The following DACT3 variants were observed in gnomAD, a reference collection of about 807,000 sequenced individuals.
The protein encoded by DACT3 is dishevelled binding antagonist of beta catenin 3, also known as dapper homolog 3.
A neutral mutation model predicts 19.6 loss-of-function variants in DACT3; 5 were observed. The observed-to-expected ratio is 0.26, with a 90% CI of 0.13 to 0.54. The LOEUF is 0.54. Ranked by LOEUF, DACT3 falls within the 20% of genes least tolerant of loss-of-function variation. The pLI is 0.95. For missense variants in DACT3, 908 were observed against 927.4 expected, an observed-to-expected ratio of 0.98 and a Z score of 0.27; for synonymous variants, 454 against 428.1, an observed-to-expected ratio of 1.06 and a Z score of -0.75.
rs2052951670 is a variant in DACT3 at position 46,649,135 on chromosome 19, G to A, written c.1237C>T (p.Arg413Cys). 3.9e-6 allele frequency: 5 copies of A among 1,267,356 alleles called. No individual in the cohort carries two copies. The highest frequency in any genetic ancestry group is 4.9e-5 in the South Asian group (2 of 40,982). The allele number at this position is 1,267,356 out of a possible 1,614,324, so 78.5% of individuals were successfully genotyped here. A position where few individuals can be genotyped will look rare whatever the true frequency, so the allele number is the denominator to read the frequency against. ...GCCTTGCGGGCCCTGGGCGAGCCGC[G>A]GCGGCCCGAAGCCTCGGCCATGCGT... ...RGRMAEASGRRGSPRARKASR... is the reference protein window; with the variant it reads ...RGRMAEASGRCGSPRARKASR... Residue 413 changes from arginine (R) to cysteine (C), a missense_variant, in exon 4 of 4, where the codon CGC becomes TGC. Transcript: ENST00000391916.
chr19:46,648,378 G>A lies in DACT3; in HGVS notation c.*104C>T. 1.9e-6 allele frequency: 3 copies of A among 1,569,456 alleles called. No homozygotes were observed. The highest frequency in any genetic ancestry group is 1.2e-5 in the South Asian group (1 of 84,880). The stretch of plus-strand genomic sequence containing the variant: ...GGGAGAGTGAGGGGGGTCTTTGGAA[G>A]CAGAGAAAACGATGGTCTTTGGAAG... On this transcript the variant is annotated 3_prime_UTR_variant, in exon 4 of 4. Coordinates refer to ENST00000391916, the MANE Select transcript of DACT3 (RefSeq NM_145056.3). This position sits in a 1 kb window ranked among gnomAD's most constrained non-coding sequence, Gnocchi z 5.1.
chr19:46,655,311 G>A (rs1245590731), intron 1 of DACT3, among the ~76,000 whole-genome samples: 1 of 151,966 alleles, frequency 6.6e-6, no homozygotes, highest in East Asian at 1.9e-4. Flanking sequence ...ATGACCTCTT[G>A]ATTTAAAATT....
At position 46,649,867 on chromosome 19, in the gene DACT3, C is replaced by A; in HGVS notation, c.505G>T (p.Ala169Ser). 7.3e-7 allele frequency: 1 copy of A among 1,373,072 alleles called. No individual in the cohort carries two copies. The highest frequency in any genetic ancestry group is 9.3e-7 in the Non-Finnish European group (1 of 1,071,038). 85.1% of individuals were successfully genotyped at this position (1,373,072 alleles called of 1,614,324 possible). Residue 169 changes from alanine to serine, a missense_variant, in exon 4 of 4, where the codon GCC becomes TCC. By Grantham distance (99) the Ala-to-Ser change is moderately conservative. Transcript: ENST00000391916. ...ASERPKSLGD[A>S]SPSAPEVVGA... ...ACCACCTCCGGAGCGCTGGGACTGG[C>A]GTCTCCTAGGGAAGGAAGGCCAAAA...
rs760901785 is a variant in DACT3 at position 46,649,805 on chromosome 19, C to T, written c.567G>A (p.Ala189=). ...ARAAVPRSFS[A]PYPTAGGSAG... is the part of the protein sequence containing the mutation. ...CGGACCCCCCTGCCGTCGGGTAGGGCGCTGAGAAGGACCGCGGCACCGCTG... is the reference window on the plus strand; with the variant it reads ...CGGACCCCCCTGCCGTCGGGTAGGGTGCTGAGAAGGACCGCGGCACCGCTG... Residue 189 remains alanine (A), a synonymous_variant, in exon 4 of 4, where the codon GCG becomes GCA. Transcript: ENST00000391916. 5.9e-5 allele frequency: 83 copies of T among 1,401,772 alleles called. No individual in the cohort carries two copies. The East Asian group carries it at 2.2e-3, about 37-fold the overall frequency. The allele number at this position is 1,401,772 out of a possible 1,614,324, so 86.8% of individuals were successfully genotyped here. A position where few individuals can be genotyped will look rare whatever the true frequency, so the allele number is the denominator to read the frequency against.
chr19:46,654,618 G>A, intron 1 of DACT3: 2 of 985,454 alleles, frequency 2.0e-6, no homozygotes, highest in South Asian at 9.4e-5. Context: ...AGAAAAGAGA[G>A]GGTCAGAGCC....
chr19:46,653,939 C>T, intron 1 of DACT3: 2 of 975,404 alleles, frequency 2.1e-6, no homozygotes, highest in Non-Finnish European at 2.4e-6. Flanking sequence ...TTCCTTAAGT[C>T]CTTCCTGCTG....
chr19:46,648,913 C>A lies in DACT3; in HGVS notation c.1459G>T (p.Gly487Trp). ...GGGGCTCGGGGCCGCACGCGGCGCC[C>A]ATCGGCAGCGTCGATCTCCGCAGTG... ...RSTAEIDAAD[G>W]RRVRPRAPAA... The change falls in exon 4 of 4, where the codon GGG becomes TGG. Residue 487 changes from glycine to tryptophan, a missense_variant. Gly to Trp is a radical substitution (Grantham distance 184, BLOSUM62 -2). This residue lies in a region of DACT3 where 656 missense variants were observed against 601.8 expected (regional missense o/e 1.09). Transcript: ENST00000391916. The surrounding 1 kb of genome is among the most constrained non-coding windows in gnomAD (Gnocchi z 5.1). The A allele has an allele frequency of 1.5e-6, 2 of 1,359,352 alleles. No individual in the cohort carries two copies. Among genetic ancestry groups the A allele is most frequent in the African/African-American group, 3.1e-5 (2 of 64,888 alleles). The allele number at this position is 1,359,352 out of a possible 1,614,324, so 84.2% of individuals were successfully genotyped here.
intron 1 of DACT3, chr19:46,654,083 G>T: frequency 1.0e-6 from 1 of 985,354 alleles, no homozygotes; most frequent in Non-Finnish European, 1.2e-6. Flanking sequence ...TACTGCAGCA[G>T]CCATCCCAGC....
intron 1 of DACT3, among the ~76,000 whole-genome samples, chr19:46,655,695 C>T (rs1405375082): frequency 3.3e-5 from 5 of 152,072 alleles, no homozygotes; most frequent in Admixed American, 6.6e-5. Context: ...GCCCTAGGAA[C>T]GCGGAGATTT....
intron 3 of DACT3, chr19:46,650,127 A>ATTTTTTTTTTT (rs58142251): frequency 1.0e-5 from 1 of 96,098 alleles, no homozygotes; most frequent in Non-Finnish European, 1.9e-5. Flanking sequence ...CTTACCCCCT[A>ATTTTTTTTTTT]TTTTTTTTTT....
In DACT3 at chr19:46,649,381, C is replaced by A; in HGVS notation, c.991G>T (p.Glu331Ter). 1 of 1,279,752 alleles carries A rather than the reference C, an allele frequency of 7.8e-7. No individual in the cohort carries two copies. The highest frequency in any genetic ancestry group is 3.7e-5 in the East Asian group (1 of 27,242). 79.3% of individuals were successfully genotyped at this position (1,279,752 alleles called of 1,614,324 possible). A position where few individuals can be genotyped will look rare whatever the true frequency, so the allele number is the denominator to read the frequency against. The stretch of plus-strand genomic sequence containing the variant: ...GGCGCAGCGGGCTCGGGTGCCGCCT[C>A]CGACTCCCACGACGACGCCCAGGCG... ...SRAWASSWES[E>*]AAPEPAAPPA... The change falls in exon 4 of 4, where the codon GAG becomes TAG. Residue 331 changes from glutamate to a stop codon, truncating the protein, a stop_gained. Coordinates refer to ENST00000391916, the MANE Select transcript of DACT3 (RefSeq NM_145056.3). LOFTEE classifies it low-confidence loss of function (END_TRUNC).
In DACT3 at chr19:46,660,738, G is replaced by C. The variant is rs1206631998; in HGVS notation, c.249+78C>G. ...CTGCCTACCCGGGTCCCCAACCCCC[G>C]CCCGGTGTCTGAGCATCCAACCGAG... On this transcript the variant is annotated intron_variant, in intron 1 of 3. Transcript: ENST00000391916. The surrounding 1 kb of genome is among the most constrained non-coding windows in gnomAD (Gnocchi z 4.9). The C allele has an allele frequency of 1.4e-6, 2 of 1,395,652 alleles. No individual in the cohort carries two copies. Among genetic ancestry groups the C allele is most frequent in the Admixed American group, 6.4e-5 (2 of 31,166 alleles). 86.5% of individuals were successfully genotyped at this position (1,395,652 alleles called of 1,614,324 possible). A position where few individuals can be genotyped will look rare whatever the true frequency, so the allele number is the denominator to read the frequency against.
intron 3 of DACT3, chr19:46,652,317 C>G (rs2052993392): frequency 3.0e-6 from 1 of 334,114 alleles, no homozygotes; most frequent in African/African-American, 2.1e-5. Flanking sequence ...CCTCAGCCTC[C>G]CGAGTAGCTG....
intron 1 of DACT3, 104 bp from the exon 2 acceptor site, chr19:46,653,179 G>T (rs892678108): frequency 4.3e-5 from 63 of 1,475,708 alleles, no homozygotes; most frequent in Middle Eastern, 1.8e-4. Flanking sequence ...TGACAATGAG[G>T]CTCTCGCTTC....
chr19:46,648,375 G>A lies in DACT3; in HGVS notation c.*107C>T, dbSNP rs1281082400. On this transcript the variant is annotated 3_prime_UTR_variant, in exon 4 of 4. Coordinates refer to ENST00000391916, the MANE Select transcript of DACT3 (RefSeq NM_145056.3). This position sits in a 1 kb window ranked among gnomAD's most constrained non-coding sequence, Gnocchi z 5.1. ...GTGGGGAGAGTGAGGGGGGTCTTTG[G>A]AAGCAGAGAAAACGATGGTCTTTGG... 2 of 1,566,598 alleles carry A rather than the reference G, an allele frequency of 1.3e-6. No homozygotes were observed. Among genetic ancestry groups the A allele is most frequent in the Non-Finnish European group, 8.7e-7 (1 of 1,153,080 alleles).
In DACT3 at chr19:46,660,711, C is replaced by T; in HGVS notation, c.249+105G>A. ...GCCCCACCCCCTGTCCTTTCTCACT[C>T]CCTGCCTACCCGGGTCCCCAACCCC... On this transcript the variant is annotated intron_variant, in intron 1 of 3. Transcript: ENST00000391916. The surrounding 1 kb of genome is among the most constrained non-coding windows in gnomAD (Gnocchi z 4.9). 5 of 1,399,520 alleles carry T rather than the reference C, an allele frequency of 3.6e-6. No individual in the cohort carries two copies. The highest frequency in any genetic ancestry group is 4.6e-6 in the Non-Finnish European group (5 of 1,082,588). 86.7% of individuals were successfully genotyped at this position (1,399,520 alleles called of 1,614,324 possible). A position where few individuals can be genotyped will look rare whatever the true frequency, so the allele number is the denominator to read the frequency against.
intron 1 of DACT3, among the ~76,000 whole-genome samples, chr19:46,657,285 CTATAACTGGGCAT>C (rs1053841856): frequency 6.7e-6 from 1 of 149,288 alleles, no homozygotes; most frequent in Admixed American, 6.7e-5. Flanking sequence ...GTTTCCTTAT[CTATAACTGGGCAT>C]CATAGGACAC....
chr19:46,654,500 A>T (rs1220357764), intron 1 of DACT3: 1 of 974,478 alleles, frequency 1.0e-6, no homozygotes, highest in African/African-American at 1.8e-5. Context: ...AAAAAAAGGA[A>T]AAAAGAAAAA....
At position 46,649,711 on chromosome 19, in the gene DACT3, G is replaced by A; in HGVS notation, c.661C>T (p.Leu221=). ...RAGPFLTPSP[L]HAVAMRSPRP... ...GGGCTGCGCATCGCCACGGCGTGCA[G>A]GGGGCTGGGCGTCAGAAAGGGCCCG... The change falls in exon 4 of 4, where the codon CTG becomes TTG. Residue 221 remains leucine, a synonymous_variant. Transcript: ENST00000391916. 8.2e-7 allele frequency: 1 copy of A among 1,216,536 alleles called. No individual in the cohort carries two copies. Among genetic ancestry groups the A allele is most frequent in the Non-Finnish European group, 1.0e-6 (1 of 978,548 alleles). 75.4% of individuals were successfully genotyped at this position (1,216,536 alleles called of 1,614,324 possible).
Sources: gnomAD v4.1 joint callset for allele counts (sites outside exome capture counted in the v4.1 genomes callset) on GRCh38, gnomAD v4.1.1 for gene constraint, gnomAD v4.1.1 regional missense constraint, Gnocchi (gnomAD v3.1) non-coding constraint, MANE v1.5 for transcripts, NCBI Gene and HGNC (gene_info 2026-07-23, HGNC 2026-07-21) for gene names.